The following ZPLD1 variants were observed in gnomAD, a reference collection of about 807,000 sequenced individuals.
The protein encoded by ZPLD1 is zona pellucida-like domain-containing protein 1.
A neutral mutation model predicts 47.2 loss-of-function variants in ZPLD1; 34 were observed. The ratio of observed to expected loss-of-function variants is 0.72; its 90% CI spans 0.55 to 0.96. ZPLD1 has a LOEUF of 0.96. ZPLD1 is among the 40% of genes least tolerant of loss of function. ZPLD1 has a pLI of 0.00. For missense variants in ZPLD1, 512 were observed against 505.8 expected (o/e 1.01, Z -0.12); for synonymous variants, 176 against 186.2 (o/e 0.95, Z 0.45).
At chr3:102,394,365 G>C (rs1706534219) in intron 7 of ZPLD1, among the ~76,000 whole-genome samples, 1 of 152,084 alleles carries the variant, frequency 6.6e-6, no homozygotes. Context: ...AAATATTTTT[G>C]ATTGCTAATT....
At chr3:102,471,146 A>G (rs376343153) in intron 10 of ZPLD1, among the ~76,000 whole-genome samples, 15 of 152,010 alleles carry the variant, frequency 9.9e-5, no homozygotes, top group East Asian at 5.8e-4. Context: ...GCCCATGACT[A>G]CTAATTTGAG....
chr3:102,420,236 T>G (rs543946587), intron 8 of ZPLD1, among the ~76,000 whole-genome samples: 2 of 151,952 alleles, frequency 1.3e-5, no homozygotes, highest in Non-Finnish European at 2.9e-5. Flanking sequence ...TTATTGCTAA[T>G]GGAAAATGGC....
At chr3:102,400,232 G>A (rs1464120028) in intron 7 of ZPLD1, among the ~76,000 whole-genome samples, 1 of 152,088 alleles carries the variant, frequency 6.6e-6, no homozygotes, top group African/African-American at 2.4e-5. Flanking sequence ...TGCAAGCATA[G>A]AGCTTAGAAA....
At chr3:102,465,160 T>G (rs1576164393) in intron 8 of ZPLD1, among the ~76,000 whole-genome samples, 1 of 152,332 alleles carries the variant, frequency 6.6e-6, no homozygotes, top group South Asian at 2.1e-4. Context: ...TGATTCTAGC[T>G]TTACAAATTG....
intron 7 of ZPLD1, among the ~76,000 whole-genome samples, chr3:102,402,971 C>T (rs964583768): frequency 6.6e-6 from 1 of 151,932 alleles, no homozygotes; most frequent in Non-Finnish European, 1.5e-5. Context: ...TACCCCTATG[C>T]ACCCATCATC....
chr3:102,438,696 T>A (rs755572937), intron 3 of ZPLD1, 103 bp downstream of exon 3: 2 of 759,506 alleles, frequency 2.6e-6, no homozygotes, highest in African/African-American at 3.5e-5. Flanking sequence ...GCTATCTCTT[T>A]ACATTAAGTG....
At chr3:102,400,146 A>G (rs1306008614) in intron 7 of ZPLD1, among the ~76,000 whole-genome samples, 1 of 152,062 alleles carries the variant, frequency 6.6e-6, no homozygotes, top group Non-Finnish European at 1.5e-5. Flanking sequence ...AGCATAACTC[A>G]GTAAAGAAAG....
At chr3:102,395,730 C>G (rs1031451015) in intron 7 of ZPLD1, among the ~76,000 whole-genome samples, 1 of 152,168 alleles carries the variant, frequency 6.6e-6, no homozygotes, top group Admixed American at 6.6e-5. Flanking sequence ...TACTTTGTCT[C>G]CAAGGTGTCA....
chr3:102,403,880 A>G (rs1706652747), intron 7 of ZPLD1, among the ~76,000 whole-genome samples: 1 of 147,220 alleles, frequency 6.8e-6, no homozygotes, highest in Non-Finnish European at 1.5e-5. Context: ...ACAGATCACT[A>G]CAGATGAACA....
At chr3:102,438,685 G>T in intron 3 of ZPLD1, 92 bp downstream of exon 3, 1 of 896,036 alleles carries the variant, frequency 1.1e-6, no homozygotes, top group Non-Finnish European at 1.7e-6. Flanking sequence ...GAGAACGGGG[G>T]GCTATCTCTT....
intron 6 of ZPLD1, among the ~76,000 whole-genome samples, chr3:102,387,992 C>T (rs1576120450): frequency 6.6e-6 from 1 of 151,768 alleles, no homozygotes; most frequent in South Asian, 2.1e-4. Flanking sequence ...TCCCAAGTAG[C>T]TGGAACTACA....
At chr3:102,430,216 C>T (rs1707001250), upstream of ZPLD1, among the ~76,000 whole-genome samples, 1 of 152,138 alleles carries the variant, frequency 6.6e-6, no homozygotes. Context: ...GATCTGTGGT[C>T]ATGCGATGAA....
chr3:102,462,032 A>G (rs1707513714), intron 6 of ZPLD1, among the ~76,000 whole-genome samples: 1 of 152,102 alleles, frequency 6.6e-6, no homozygotes, highest in South Asian at 2.1e-4. Context: ...GATACAGTGA[A>G]CATTAGCCAC....
intron 3 of ZPLD1, among the ~76,000 whole-genome samples, chr3:102,449,756 G>A (rs966469306): frequency 3.3e-5 from 5 of 151,976 alleles, no homozygotes; most frequent in African/African-American, 1.2e-4. Context: ...CTTTATCATA[G>A]GCATGTATAT....
intron 8 of ZPLD1, among the ~76,000 whole-genome samples, chr3:102,425,286 G>T (rs1706930593): frequency 6.6e-6 from 1 of 151,984 alleles, no homozygotes; most frequent in Non-Finnish European, 1.5e-5. Flanking sequence ...TTGCCATGAT[G>T]AATCTTGGTT....
chr3:102,399,729 C>G (rs144847281), intron 7 of ZPLD1, among the ~76,000 whole-genome samples: 2 of 151,906 alleles, frequency 1.3e-5, no homozygotes, highest in African/African-American at 2.4e-5. Context: ...TTTTTAGGAA[C>G]CATTTTTTGA....
At chr3:102,472,063 A>C (rs1467080616) in intron 10 of ZPLD1, among the ~76,000 whole-genome samples, 2 of 152,224 alleles carry the variant, frequency 1.3e-5, no homozygotes, top group Non-Finnish European at 2.9e-5. Context: ...GTTTTGGCCC[A>C]AAAAATTCAG....
chr3:102,473,053 T>C (rs1185461044), intron 10 of ZPLD1, among the ~76,000 whole-genome samples: 1 of 152,138 alleles, frequency 6.6e-6, no homozygotes, highest in Non-Finnish European at 1.5e-5. Flanking sequence ...GGAATCGCCC[T>C]TTATAAAACC....
intron 6 of ZPLD1, among the ~76,000 whole-genome samples, chr3:102,391,320 G>A (rs1706492392): frequency 6.6e-6 from 1 of 152,040 alleles, no homozygotes. Context: ...CTTAATTTTT[G>A]GGTGGCAGAT....
Sources: gnomAD v4.1 joint callset for allele counts (sites outside exome capture counted in the v4.1 genomes callset) on GRCh38, gnomAD v4.1.1 for gene constraint, MANE v1.5 for transcripts, NCBI Gene and HGNC (gene_info 2026-07-23, HGNC 2026-07-21) for gene names.